MCM3: variants seen among roughly 807,000 people sequenced by gnomAD.
MCM3 encodes minichromosome maintenance complex component 3.
In MCM3, 59 loss-of-function variants were observed where a neutral mutation model predicts 91.3. The observed-to-expected ratio is 0.65, with a 90% CI of 0.52 to 0.80. The LOEUF (loss-of-function observed/expected upper bound fraction) is 0.80, where lower values mean the gene tolerates loss of function less well. MCM3 is among the 30% of genes least tolerant of loss of function. MCM3 has a pLI of 0.00. For missense variants in MCM3, 919 were observed against 1,035.4 expected, an observed-to-expected ratio of 0.89 and a Z score of 1.54; for synonymous variants, 383 against 379.6, an observed-to-expected ratio of 1.01 and a Z score of -0.10.
rs2128272281 is a variant in MCM3, at chr6:52,264,490, C to T, written c.*98G>A. 7.6e-7 allele frequency: 1 copy of T among 1,309,852 alleles called. No homozygotes were observed. The highest frequency in any genetic ancestry group is 1.3e-5 in the South Asian group (1 of 78,734). The allele number at this position is 1,309,852 out of a possible 1,614,324, so 81.1% of individuals were successfully genotyped here. ...TCCTCGCCTTCAGTTGAATTCAACA[C>T]TGTTAAGGGAGTAGAGGCAAAGACT... On this transcript the variant is annotated 3_prime_UTR_variant, in exon 17 of 17. Coordinates refer to ENST00000596288, the MANE Select transcript of MCM3 (RefSeq NM_002388.6).
rs769973730 is a variant in MCM3 at position 52,278,751 on chromosome 6, G to A, written c.870C>T (p.Thr290=). The A allele has an allele frequency of 7.4e-5, 120 of 1,611,746 alleles. No homozygotes were observed. The highest frequency in any genetic ancestry group is 1.0e-4 in the Non-Finnish European group (120 of 1,178,420). ...TAAAGGATGCCCAGACCTTGGATCGGGTTTTACTGAACTTCTTGATCTTGG... is the reference window on the plus strand; with the variant it reads ...TAAAGGATGCCCAGACCTTGGATCGAGTTTTACTGAACTTCTTGATCTTGG... ...DIAKIKKFSK[T]RSKDIFDQLA... is the part of the protein sequence containing the mutation. The change falls in exon 6 of 17, where the codon ACC becomes ACT. Residue 290 remains threonine (T), a synonymous_variant. Coordinates refer to ENST00000596288, the MANE Select transcript of MCM3 (RefSeq NM_002388.6).
At position 52,277,650 on chromosome 6, in the gene MCM3, A is replaced by G. The variant is rs1041674336; in HGVS notation, c.918T>C (p.Ser306=). The stretch of plus-strand genomic sequence containing the variant: ...TCTTGACATAGTCATGCCCATGGAT[A>G]CTTGGGGCCAATGACTTGGCCAGCT... ...FDQLAKSLAP[S]IHGHDYVKKA... The change falls in exon 7 of 17, where the codon AGT becomes AGC. Residue 306 remains serine, a synonymous_variant. Coordinates refer to ENST00000596288, the MANE Select transcript of MCM3 (RefSeq NM_002388.6). 6.2e-7 allele frequency: 1 copy of G among 1,614,080 alleles called. No individual in the cohort carries two copies. Among genetic ancestry groups the G allele is most frequent in the African/African-American group, 1.3e-5 (1 of 75,024 alleles).
rs775251824 is a variant in MCM3, at chr6:52,276,255, T to A, written c.1374+13A>T. ...GAAGGTGAGGACAATGGTTGGGGCC[T>A]GATTCCACTTACCCTGCCGTAGACA... is the stretch of plus-strand genomic sequence containing the variant. On this transcript the variant is annotated intron_variant, in intron 9 of 16. Transcript: ENST00000596288. 2 of 1,601,962 alleles carry A rather than the reference T, an allele frequency of 1.2e-6. No individual in the cohort carries two copies. Among genetic ancestry groups the A allele is most frequent in the South Asian group, 2.2e-5 (2 of 89,868 alleles).
In MCM3 at chr6:52,264,214, G is replaced by T; in HGVS notation, c.*374C>A. ...CTAGTCTAGACCAAAGTGCTCTGGA[G>T]AAAAAAAACAAAACAAAAAAACAGC... On this transcript the variant is annotated 3_prime_UTR_variant, in exon 17 of 17. Coordinates refer to ENST00000596288, the MANE Select transcript of MCM3 (RefSeq NM_002388.6). 1 of 239,162 alleles carries T rather than the reference G, an allele frequency of 4.2e-6. No homozygotes were observed. Among genetic ancestry groups the T allele is most frequent in the East Asian group, 1.1e-4 (1 of 9,206 alleles). 14.8% of individuals were successfully genotyped at this position (239,162 alleles called of 1,614,324 possible).
intron 14 of MCM3, among the ~76,000 whole-genome samples, chr6:52,267,518 G>C (rs1379878042): frequency 6.7e-6 from 1 of 149,524 alleles, no homozygotes; most frequent in African/African-American, 2.5e-5. Flanking sequence ...AGTCCCACTG[G>C]AACTTACTAC....
intron 14 of MCM3, among the ~76,000 whole-genome samples, chr6:52,267,200 G>A (rs946683928): frequency 2.7e-5 from 4 of 148,966 alleles, no homozygotes; most frequent in Non-Finnish European, 4.4e-5. Context: ...CTGGGTTCAC[G>A]CCATTCTCCT....
rs1231304008 is a variant in MCM3 at position 52,282,070 on chromosome 6, G to T, written c.506C>A (p.Pro169His). The change falls in exon 4 of 17, where the codon CCC becomes CAC. Residue 169 changes from proline (P) to histidine (H), a missense_variant. This residue lies in a region of MCM3 where 401 missense variants were observed against 402.7 expected (regional missense o/e 1.00). Transcript: ENST00000596288. ...YSDLTTLVAF[P>H]SSSVYPTKDE... ...CTTGGTAGGATAGACAGAGCTGGAG[G>T]GAAAGGCCACCAGGGTGGTGAGATC... The T allele has an allele frequency of 1.9e-6, 3 of 1,614,162 alleles. No homozygotes were observed. The highest frequency in any genetic ancestry group is 2.5e-6 in the Non-Finnish European group (3 of 1,180,018).
At position 52,284,714 on chromosome 6, in the gene MCM3, AGGTTCCCAGGAT is replaced by A. The variant is rs1562404618; in HGVS notation, c.-52_-41del. 1.3e-6 allele frequency: 2 copies of A among 1,582,888 alleles called. No homozygotes were observed. The highest frequency in any genetic ancestry group is 1.7e-6 in the Non-Finnish European group (2 of 1,166,038). ...AACTACCTCCACCAAAGTCGCGTGG[AGGTTCCCAGGAT>A]GACTCCACCCCGGCGCGAAAACTTC... On this transcript the variant is annotated 5_prime_UTR_variant, in exon 1 of 17. Transcript: ENST00000596288.
intron 8 of MCM3, 121 bp from the exon 9 acceptor site, chr6:52,276,597 G>C: frequency 1.2e-6 from 1 of 829,732 alleles, no homozygotes; most frequent in Non-Finnish European, 1.8e-6. Flanking sequence ...GCAATGGTGT[G>C]TTGGCTCCGA....
At chr6:52,278,582 AC>A (rs1476788619) in intron 6 of MCM3, among the ~76,000 whole-genome samples, 159 bp downstream of exon 6, 2 of 152,238 alleles carry the variant, frequency 1.3e-5, no homozygotes, top group African/African-American at 4.8e-5. Flanking sequence ...TAAAGAACAA[AC>A]AGCAAAAACA....
In MCM3 at chr6:52,277,518, A is replaced by C. The variant is rs1290357746; in HGVS notation, c.1033+17T>G. On this transcript the variant is annotated intron_variant, in intron 7 of 16. Coordinates refer to ENST00000596288, the MANE Select transcript of MCM3 (RefSeq NM_002388.6). ...TCCATCAGAACAACAGTCTAAAGCA[A>C]ATCCCCAACATCGTACCTATTAGAA... is the stretch of plus-strand genomic sequence containing the variant. 6.2e-7 allele frequency: 1 copy of C among 1,605,236 alleles called. No individual in the cohort carries two copies.
At position 52,264,799 on chromosome 6, in the gene MCM3, GAAGA is replaced by G. The variant is rs375664353; in HGVS notation, c.2229-17_2229-14del. On this transcript the variant is annotated splice_polypyrimidine_tract_variant and intron_variant, in intron 16 of 16. Transcript: ENST00000596288. ...GAATGCCTTCAACCTGCCCCAGACA[GAAGA>G]AAGGGGGAAGAGGAGTAAACAAACC... The G allele has an allele frequency of 5.3e-4, 862 of 1,612,646 alleles. 12 individuals are homozygous for G. In the South Asian group the frequency reaches 9.0e-3, roughly 17 times the overall value.
chr6:52,277,388 A>AC, intron 7 of MCM3, 147 bp downstream of exon 7: 1 of 972,046 alleles, frequency 1.0e-6, no homozygotes, highest in Non-Finnish European at 1.5e-6. Context: ...TCCAGAGATG[A>AC]CAAAAAAAAA....
intron 3 of MCM3, among the ~76,000 whole-genome samples, 175 bp from the exon 4 acceptor site, chr6:52,282,350 T>C (rs1766180779): frequency 6.6e-6 from 1 of 152,076 alleles, no homozygotes; most frequent in South Asian, 2.1e-4. Flanking sequence ...CACCACCATA[T>C]CCATGTAAAA....
At chr6:52,267,065 C>T (rs1386500864) in intron 14 of MCM3, among the ~76,000 whole-genome samples, 2 of 148,882 alleles carry the variant, frequency 1.3e-5, no homozygotes, top group South Asian at 2.1e-4. Flanking sequence ...AAGAAGGACT[C>T]GCTCTCCTTC....
At chr6:52,274,253 C>T (rs964166100) in intron 9 of MCM3, among the ~76,000 whole-genome samples, 1 of 152,146 alleles carries the variant, frequency 6.6e-6, no homozygotes, top group African/African-American at 2.4e-5. Context: ...GAAAGATGAT[C>T]CCTTTCCCCT....
In MCM3 at chr6:52,273,845, G is replaced by A. The variant is rs1425570373; in HGVS notation, c.1446C>T (p.Leu482=). ...QDSLLSRFDL[L]FIMLDQMDPE... is the part of the protein sequence containing the mutation. ...GATCCATCTGATCCAGCATGATGAA[G>A]AGCAAGTCAAATCGTGACAGCAGTG... is the stretch of plus-strand genomic sequence containing the variant. The change falls in exon 10 of 17, where the codon CTC becomes CTT. Residue 482 remains leucine, a synonymous_variant. Transcript: ENST00000596288. 5 of 1,614,156 alleles carry A rather than the reference G, an allele frequency of 3.1e-6. No homozygotes were observed. The South Asian group carries it at 5.5e-5, about 18-fold the overall frequency.
rs1016611690 is a variant in MCM3 at position 52,284,688 on chromosome 6, G to A, written c.-14C>T. The A allele has an allele frequency of 6.2e-7, 1 of 1,604,950 alleles. No homozygotes were observed. Among genetic ancestry groups the A allele is most frequent in the Admixed American group, 1.7e-5 (1 of 58,600 alleles). On this transcript the variant is annotated 5_prime_UTR_variant, in exon 1 of 17. Coordinates refer to ENST00000596288, the MANE Select transcript of MCM3 (RefSeq NM_002388.6). ...GGTACCCGCCATGCCCGCTGCCAAAGAACTACCTCCACCAAAGTCGCGTGG... is the reference window on the plus strand; with the variant it reads ...GGTACCCGCCATGCCCGCTGCCAAAAAACTACCTCCACCAAAGTCGCGTGG...
chr6:52,266,508 CCAAA>C (rs1048489534), intron 15 of MCM3, 99 bp downstream of exon 15: 29 of 1,050,800 alleles, frequency 2.8e-5, no homozygotes, highest in South Asian at 2.7e-4. Context: ...AAGCAGGGAG[CCAAA>C]CAAACAGGAG....
Sources: allele counts gnomAD v4.1 joint callset (sites outside exome capture counted in the v4.1 genomes callset), GRCh38; gene constraint gnomAD v4.1.1; regional missense constraint gnomAD v4.1.1; transcripts MANE v1.5; gene names NCBI Gene and HGNC (gene_info 2026-07-23, HGNC 2026-07-21).